TUB: variants seen among roughly 807,000 people sequenced by gnomAD.
TUB encodes tubby protein homolog.
Under a neutral mutation model 59.7 loss-of-function variants are expected in TUB, and 33 were observed. That is an observed-to-expected ratio of 0.55 (90% CI 0.42 to 0.74). The LOEUF is 0.74. Among genes scored for constraint, TUB ranks in the 30% least tolerant of loss-of-function variants. The pLI, the probability that TUB is intolerant of heterozygous loss-of-function variation, is 0.00. For synonymous variants in TUB, 293 were observed against 256.4 expected (o/e 1.14, Z -1.36); for missense variants, 659 against 672.0 (o/e 0.98, Z 0.21).
intron 1 of TUB, among the ~76,000 whole-genome samples, chr11:8,029,807 G>T (rs1003815865): frequency 2.0e-5 from 3 of 152,190 alleles, no homozygotes; most frequent in African/African-American, 7.2e-5. Flanking sequence ...GGGATTGGAG[G>T]TCCTGGCCGT....
At chr11:8,094,906 C>T (rs958032788) in intron 4 of TUB, among the ~76,000 whole-genome samples, 2 of 152,248 alleles carry the variant, frequency 1.3e-5, no homozygotes, top group Non-Finnish European at 2.9e-5. Context: ...GGCAGGGTGG[C>T]TGCCACCTGT....
In TUB at chr11:8,100,980, T is replaced by C. The variant is rs1296073217; in HGVS notation, c.1370T>C (p.Ile457Thr). 15 of 1,614,184 alleles carry C rather than the reference T, an allele frequency of 9.3e-6. No individual in the cohort carries two copies. The highest frequency in any genetic ancestry group is 1.3e-5 in the Non-Finnish European group (15 of 1,180,034). Residue 457 changes from isoleucine (I) to threonine (T), a missense_variant, in exon 11 of 12, where the codon ATC (isoleucine) becomes ACC (threonine). Ile to Thr is a moderately conservative substitution (Grantham distance 89, BLOSUM62 -1). Around this residue, in one of 3 missense-constraint regions of TUB, gnomAD observed 226 missense variants for 210.8 expected, o/e 1.07. Transcript: ENST00000299506. ...CAGGCCTCCGTGAAGAACTTCCAGA[T>C]CATCCATGGCAATGACCGTGAGTGT... The part of the protein sequence containing the change: ...VTQASVKNFQ[I>T]IHGNDPDYIV...
chr11:8,070,538 G>C (rs974375382), intron 2 of TUB, among the ~76,000 whole-genome samples: 46 of 152,060 alleles, frequency 3.0e-4, no homozygotes, highest in African/African-American at 1.0e-3. Flanking sequence ...CATTTTCTCA[G>C]GTCCAGTACA....
chr11:8,041,883 G>A (rs142940197), intron 2 of TUB, among the ~76,000 whole-genome samples: 365 of 152,252 alleles, frequency 2.4e-3, no homozygotes, highest in African/African-American at 7.9e-3. Flanking sequence ...TTCATGGCCC[G>A]CAGCCTCCAG....
chr11:8,081,635 G>A (rs554366598), intron 1 of TUB, 87 bp downstream of exon 1: 10 of 1,368,278 alleles, frequency 7.3e-6, no homozygotes, highest in Admixed American at 2.9e-5. Context: ...GCAGGGCACC[G>A]CTGCCCTCCC....
chr11:8,097,971 T>G (rs1313008792), intron 8 of TUB, 145 bp downstream of exon 8: 6 of 654,252 alleles, frequency 9.2e-6, no homozygotes, highest in Non-Finnish European at 5.3e-6. Flanking sequence ...CACATCCAAC[T>G]GGAGGCCTAT....
At chr11:8,081,627 A>G in intron 1 of TUB, 79 bp downstream of exon 1, 3 of 1,398,322 alleles carry the variant, frequency 2.1e-6, no homozygotes, top group South Asian at 3.1e-5. Flanking sequence ...GCCGGGGCGC[A>G]GGGCACCGCT....
At chr11:8,099,481 T>A (rs967942406) in intron 9 of TUB, among the ~76,000 whole-genome samples, 3 of 152,190 alleles carry the variant, frequency 2.0e-5, no homozygotes, top group African/African-American at 4.8e-5. Context: ...CTTTGTATGA[T>A]CCTGTGGTGC....
At position 8,101,973 on chromosome 11, in the gene TUB, C is replaced by T; in HGVS notation, c.*354C>T. ...GCAAGAGGCATAGAGGGAGAGGAAG[C>T]ACACTGCAGGGCTGCTGTGGCCCAG... On this transcript the variant is annotated 3_prime_UTR_variant, in exon 12 of 12. Coordinates refer to ENST00000299506, the MANE Select transcript of TUB (RefSeq NM_177972.3). The T allele has an allele frequency of 3.5e-6, 1 of 287,544 alleles. No homozygotes were observed. Among genetic ancestry groups the T allele is most frequent in the South Asian group, 6.3e-5 (1 of 15,814 alleles). The allele number at this position is 287,544 out of a possible 1,614,324, so 17.8% of individuals were successfully genotyped here.
At chr11:8,040,404 C>T (rs763785587) in intron 2 of TUB, among the ~76,000 whole-genome samples, 7 of 152,178 alleles carry the variant, frequency 4.6e-5, no homozygotes, top group Non-Finnish European at 1.0e-4. Flanking sequence ...GGAAGTCTGT[C>T]TGTCCTTCCA....
chr11:8,031,835 G>A (rs1942576310), intron 1 of TUB, among the ~76,000 whole-genome samples: 1 of 152,214 alleles, frequency 6.6e-6, no homozygotes. Flanking sequence ...CAGGGCAGGG[G>A]TCGATTCCAG....
chr11:8,051,236 AT>A (rs1589933865), intron 2 of TUB, among the ~76,000 whole-genome samples: 1 of 152,154 alleles, frequency 6.6e-6, no homozygotes, highest in East Asian at 1.9e-4. Context: ...GCAATTACAT[AT>A]GTTTGTGTGT....
intron 2 of TUB, among the ~76,000 whole-genome samples, chr11:8,060,624 A>G (rs1379246320): frequency 6.6e-6 from 1 of 152,148 alleles, no homozygotes; most frequent in Non-Finnish European, 1.5e-5. Context: ...GCAGGAGTTG[A>G]GGGTGATGGG....
intron 11 of TUB, 70 bp from the exon 12 acceptor site, chr11:8,101,416 G>T (rs975987460): frequency 1.9e-5 from 30 of 1,593,554 alleles, no homozygotes; most frequent in Middle Eastern, 1.7e-4. Flanking sequence ...TTGGGTGTCT[G>T]TCTATCCTTC....
upstream of TUB, chr11:8,038,576 C>T (rs1170665590): frequency 4.9e-5 from 55 of 1,120,854 alleles, no homozygotes; most frequent in Non-Finnish European, 6.0e-5. Flanking sequence ...GACTTGGCCT[C>T]CGTGTTGCCA....
At position 8,105,489 on chromosome 11, in the gene TUB, G is replaced by C. The variant is rs1944523725; in HGVS notation, c.*3870G>C. 1 of 152,102 alleles carries C rather than the reference G, an allele frequency of 6.6e-6. No individual in the cohort carries two copies. Among genetic ancestry groups the C allele is most frequent in the Admixed American group, 6.6e-5 (1 of 15,250 alleles). The allele number at this position is 152,102 out of a possible 1,614,324, so 9.4% of individuals were successfully genotyped here. On this transcript the variant is annotated 3_prime_UTR_variant, in exon 12 of 12. Transcript: ENST00000299506. ...GGGGCAGAACAGATAGATTACGACAGGTTTGGTTTTTAAATTTTCCAACCA... is the reference window on the plus strand; with the variant it reads ...GGGGCAGAACAGATAGATTACGACACGTTTGGTTTTTAAATTTTCCAACCA...
chr11:8,053,966 A>G (rs571794747), intron 2 of TUB, among the ~76,000 whole-genome samples: 4 of 151,756 alleles, frequency 2.6e-5, no homozygotes, highest in African/African-American at 9.7e-5. Context: ...ATACAAAAAT[A>G]TTAGCCAGAC....
upstream of TUB, among the ~76,000 whole-genome samples, chr11:8,036,652 G>C (rs577411044): frequency 1.3e-5 from 2 of 152,330 alleles, no homozygotes; most frequent in South Asian, 4.1e-4. Flanking sequence ...CTCAGAGTGT[G>C]CATGAGGAGG....
chr11:8,026,228 C>A (rs963543315), intron 1 of TUB, among the ~76,000 whole-genome samples: 7 of 152,038 alleles, frequency 4.6e-5, no homozygotes, highest in Non-Finnish European at 8.8e-5. Flanking sequence ...ATATGACTTG[C>A]AATATTTTCT....
Sources: allele counts gnomAD v4.1 joint callset (sites outside exome capture counted in the v4.1 genomes callset), GRCh38; gene constraint gnomAD v4.1.1; regional missense constraint gnomAD v4.1.1; transcripts MANE v1.5; gene names NCBI Gene and HGNC (gene_info 2026-07-23, HGNC 2026-07-21).